SPIN1: variants seen among roughly 807,000 people sequenced by gnomAD.
The protein encoded by SPIN1 is spindlin 1, also known as spindlin-1.
Under a neutral mutation model 26.0 loss-of-function variants are expected in SPIN1, and 3 were observed. The observed-to-expected ratio is 0.12, with a 90% confidence interval of 0.05 to 0.30. The LOEUF (loss-of-function observed/expected upper bound fraction) is 0.30, where lower values mean the gene tolerates loss of function less well. Ranked by LOEUF, SPIN1 falls within the 10% of genes least tolerant of loss-of-function variation. The pLI, the probability that SPIN1 is intolerant of heterozygous loss-of-function variation, is 1.00. For missense variants in SPIN1, 126 were observed against 333.4 expected, an observed-to-expected ratio of 0.38 and a Z score of 4.84; for synonymous variants, 101 against 116.5, an observed-to-expected ratio of 0.87 and a Z score of 0.86.
At chr9:88,456,005 C>T (rs1010921107) in intron 3 of SPIN1, among the ~76,000 whole-genome samples, 1 of 152,160 alleles carries the variant, frequency 6.6e-6, no homozygotes, top group Non-Finnish European at 1.5e-5. Context: ...ATAGAGATAA[C>T]GCTCTGAGCT....
intron 4 of SPIN1, 47 bp downstream of exon 4, chr9:88,462,796 T>C (rs1244644933): frequency 9.2e-6 from 14 of 1,521,464 alleles, no homozygotes; most frequent in Admixed American, 2.2e-5. Context: ...AAAAATGATA[T>C]TGAACTGGAT....
chr9:88,440,659 A>G (rs1228556063), intron 2 of SPIN1, among the ~76,000 whole-genome samples: 2 of 148,354 alleles, frequency 1.3e-5, no homozygotes, highest in Non-Finnish European at 1.5e-5. Flanking sequence ...GCGTACTGCA[A>G]CCTCCGCCAC....
intron 1 of SPIN1, among the ~76,000 whole-genome samples, chr9:88,418,349 A>G (rs1411287723): frequency 1.3e-5 from 2 of 152,190 alleles, no homozygotes; most frequent in Non-Finnish European, 1.5e-5. Flanking sequence ...AACAAAGTAT[A>G]TATTTCTTCA....
chr9:88,401,384 C>T (rs1186524974), intron 1 of SPIN1, among the ~76,000 whole-genome samples: 1 of 152,040 alleles, frequency 6.6e-6, no homozygotes, highest in Non-Finnish European at 1.5e-5. Context: ...TACAGCCATC[C>T]CTCCATATCA....
At chr9:88,408,981 T>TGTGTGTGTGTGTGTGTGTGTG (rs1827375578) in intron 1 of SPIN1, among the ~76,000 whole-genome samples, 2 of 136,700 alleles carry the variant, frequency 1.5e-5, no homozygotes, top group Admixed American at 7.4e-5. Context: ...TTGTGTGTGT[T>TGTGTGTGTGTGTGTGTGTGTG]TGTGTGTGTG....
chr9:88,416,327 A>G (rs947386998), intron 1 of SPIN1, among the ~76,000 whole-genome samples: 1 of 150,910 alleles, frequency 6.6e-6, no homozygotes, highest in Admixed American at 6.6e-5. Context: ...TTTTTGTTTT[A>G]TTTGTTTATT....
In SPIN1 at chr9:88,478,183, GATTTC is replaced by G. The variant is rs1828920834; in HGVS notation, c.*2912_*2916del. 1 of 152,534 alleles carries G rather than the reference GATTTC, an allele frequency of 6.6e-6. No individual in the cohort carries two copies. Among genetic ancestry groups the G allele is most frequent in the Non-Finnish European group, 1.5e-5 (1 of 68,014 alleles). The allele number at this position is 152,534 out of a possible 1,614,324, so 9.4% of individuals were successfully genotyped here. On this transcript the variant is annotated 3_prime_UTR_variant, in exon 6 of 6. Transcript: ENST00000375859. ...AAAAATCACAGTTACTTCTAAACCA[GATTTC>G]ATTTCTTTTATTGTTTTATGTGCCA...
chr9:88,404,922 A>C (rs557575644), intron 1 of SPIN1, among the ~76,000 whole-genome samples: 1,164 of 98,560 alleles, frequency 0.012, 22 homozygotes, highest in African/African-American at 0.065. Context: ...TCTCAAAAAA[A>C]AAAAAAACAA....
chr9:88,407,421 G>C (rs1827333941), intron 1 of SPIN1, among the ~76,000 whole-genome samples: 1 of 151,824 alleles, frequency 6.6e-6, no homozygotes, highest in Non-Finnish European at 1.5e-5. Flanking sequence ...TGGGATTACA[G>C]GTGTGAGCCA....
At chr9:88,390,161 C>G (rs1308838106) in intron 1 of SPIN1, among the ~76,000 whole-genome samples, 1 of 152,140 alleles carries the variant, frequency 6.6e-6, no homozygotes, top group Non-Finnish European at 1.5e-5. Flanking sequence ...AAAAGGGCCA[C>G]TATATGTCTT....
intron 2 of SPIN1, among the ~76,000 whole-genome samples, chr9:88,443,340 C>A (rs1828179319): frequency 2.6e-5 from 4 of 152,080 alleles, no homozygotes; most frequent in Admixed American, 2.6e-4. Flanking sequence ...CCTGTCCAGT[C>A]TACTAATAAG....
intron 1 of SPIN1, among the ~76,000 whole-genome samples, chr9:88,393,797 C>T (rs894079605): frequency 6.6e-6 from 1 of 151,624 alleles, no homozygotes; most frequent in African/African-American, 2.4e-5. Context: ...TTTTTTCTTT[C>T]TCTCTTTAGC....
intron 4 of SPIN1, among the ~76,000 whole-genome samples, chr9:88,463,490 A>G (rs1828609489): frequency 6.6e-6 from 1 of 152,224 alleles, no homozygotes; most frequent in South Asian, 2.1e-4. Context: ...CCATTAAATA[A>G]TAAAGTTTCA....
intron 2 of SPIN1, among the ~76,000 whole-genome samples, chr9:88,443,030 G>A (rs985278650): frequency 7.4e-5 from 11 of 148,742 alleles, no homozygotes; most frequent in Admixed American, 2.7e-4. Flanking sequence ...TGAGGCAGGC[G>A]AATCGCTTGA....
intron 1 of SPIN1, among the ~76,000 whole-genome samples, chr9:88,414,797 T>C (rs547733240): frequency 6.1e-4 from 93 of 152,372 alleles, no homozygotes; most frequent in African/African-American, 1.8e-3. Context: ...AAGATGAAGA[T>C]AAAATTTTTT....
intron 1 of SPIN1, chr9:88,411,542 C>T: frequency 1.6e-6 from 1 of 631,760 alleles, no homozygotes; most frequent in East Asian, 2.7e-5. Flanking sequence ...GAGACAGAAT[C>T]TCACTTTGTC....
In SPIN1 at chr9:88,462,533, T is replaced by G; in HGVS notation, c.139T>G (p.Ser47Ala). 1.2e-6 allele frequency: 2 copies of G among 1,614,072 alleles called. No individual in the cohort carries two copies. The highest frequency in any genetic ancestry group is 8.5e-7 in the Non-Finnish European group (1 of 1,179,968). ...CAGTGTGGGTCCGAGCAAACCTGTT[T>G]CCCAGCCCCGGCGGAACATCGTAGG... ...RSSVGPSKPV[S>A]QPRRNIVGCR... The change falls in exon 4 of 6, where the codon TCC (serine) becomes GCC (alanine). Residue 47 changes from serine (S) to alanine (A), a missense_variant. By Grantham distance (99) the Ser-to-Ala change is moderately conservative. Around this residue, in one of 7 missense-constraint regions of SPIN1, gnomAD observed 63 missense variants for 101.3 expected, o/e 0.62. Coordinates refer to ENST00000375859, the MANE Select transcript of SPIN1 (RefSeq NM_006717.3).
chr9:88,427,860 A>G (rs949844053), intron 2 of SPIN1, among the ~76,000 whole-genome samples: 2 of 152,064 alleles, frequency 1.3e-5, no homozygotes, highest in Non-Finnish European at 2.9e-5. Flanking sequence ...CAGCCTCCCA[A>G]AGTGCTGGGA....
chr9:88,470,114 A>G (rs556047215), intron 5 of SPIN1, among the ~76,000 whole-genome samples: 16 of 152,094 alleles, frequency 1.1e-4, no homozygotes, highest in African/African-American at 3.9e-4. Context: ...ATATTTTGAG[A>G]TTTCATTCAC....
Sources: gnomAD v4.1 joint callset for allele counts (sites outside exome capture counted in the v4.1 genomes callset) on GRCh38, gnomAD v4.1.1 for gene constraint, gnomAD v4.1.1 regional missense constraint, MANE v1.5 for transcripts, NCBI Gene and HGNC (gene_info 2026-07-23, HGNC 2026-07-21) for gene names.